Variants in ANK1 observed in about 807,000 individuals in gnomAD.
ANK1 encodes ankyrin 1.
In ANK1, 51 loss-of-function variants were observed where a neutral mutation model predicts 210.4. The ratio of observed to expected loss-of-function variants is 0.24; its 90% CI spans 0.19 to 0.31. ANK1 has a LOEUF of 0.31. Among genes scored for constraint, ANK1 ranks in the 10% least tolerant of loss-of-function variants. The pLI is 1.00. For missense variants in ANK1, 2,051 were observed against 2,504.4 expected (o/e 0.82, Z 3.86); for synonymous variants, 967 against 1,025.9 (o/e 0.94, Z 1.10).
chr8:41,705,212 G>A lies in ANK1; in HGVS notation c.2098-740C>T, dbSNP rs187165951. On this transcript the variant is annotated intron_variant, in intron 18 of 42. Transcript: ENST00000289734. ...TGAGCTCCTTGGTCCCAAGTGTCCCGGGAAGCTGGTGCCAGATTCCAGAGA... is the reference window on the plus strand; with the variant it reads ...TGAGCTCCTTGGTCCCAAGTGTCCCAGGAAGCTGGTGCCAGATTCCAGAGA... Among the ~76,000 whole-genome samples the A allele has an allele frequency of 2.1e-3, 321 of 152,262 alleles. 1 individual carries two copies. Among genetic ancestry groups the A allele is most frequent in the African/African-American group, 7.3e-3 (302 of 41,542 alleles).
chr8:41,876,743 G>A (rs924788129), intron 1 of ANK1, among the ~76,000 whole-genome samples: 1 of 152,204 alleles, frequency 6.6e-6, no homozygotes, highest in Non-Finnish European at 1.5e-5. Flanking sequence ...AGATGAAGAT[G>A]AAAGGTTTGT....
intron 24 of ANK1, 200 bp downstream of exon 24, chr8:41,697,843 T>C (rs1821520332): frequency 3.0e-6 from 2 of 659,578 alleles, no homozygotes; most frequent in Admixed American, 2.1e-5. Flanking sequence ...CATCTGACCA[T>C]CTCTTCCAGA....
chr8:41,826,229 AGAAAAG>A (rs1805345553), intron 1 of ANK1, among the ~76,000 whole-genome samples: 1 of 152,106 alleles, frequency 6.6e-6, no homozygotes, highest in Admixed American at 6.6e-5. Context: ...CTATTTTTCT[AGAAAAG>A]GCTACTCTGG....
chr8:41,827,514 C>G (rs1168492856), intron 1 of ANK1, among the ~76,000 whole-genome samples: 1 of 152,134 alleles, frequency 6.6e-6, no homozygotes, highest in Non-Finnish European at 1.5e-5. Context: ...AATGTAATGG[C>G]CTTTAAAAGG....
At chr8:41,856,415 A>T (rs1191121405) in intron 1 of ANK1, among the ~76,000 whole-genome samples, 1 of 152,230 alleles carries the variant, frequency 6.6e-6, no homozygotes, top group African/African-American at 2.4e-5. Context: ...TTTATGCAGG[A>T]CAGAAACTGC....
At chr8:41,822,931 T>A (rs1205935854) in intron 1 of ANK1, among the ~76,000 whole-genome samples, 1 of 152,198 alleles carries the variant, frequency 6.6e-6, no homozygotes, top group Non-Finnish European at 1.5e-5. Context: ...GCGCTCCGTG[T>A]GTGCCTCGTT....
Position 41,724,519 on chromosome 8 carries a change from G to T in ANK1, c.648C>A (p.Tyr216Ter). ...GCAACTGGGCCACGTTGAGGTTCTC[G>T]TAGTGAGCCGCAATGTGCAGGGGCG... is the stretch of plus-strand genomic sequence containing the variant. ...GFTPLHIAAH[Y>*]ENLNVAQLLL... is the part of the protein sequence containing the mutation. Residue 216 changes from tyrosine (Y) to a stop codon, truncating the protein, a stop_gained, in exon 7 of 43, where the codon TAC (tyrosine) becomes TAA (stop). Transcript: ENST00000289734. LOFTEE classifies it high-confidence loss of function. 6.2e-7 allele frequency: 1 copy of T among 1,601,152 alleles called. No individual in the cohort carries two copies. Among genetic ancestry groups the T allele is most frequent in the Admixed American group, 1.7e-5 (1 of 58,394 alleles).
At chr8:41,824,460 C>A (rs1376646220) in intron 1 of ANK1, among the ~76,000 whole-genome samples, 2 of 152,160 alleles carry the variant, frequency 1.3e-5, no homozygotes, top group African/African-American at 4.8e-5. Context: ...GATTCCTTTG[C>A]AAATTCATTT....
intron 7 of ANK1, 139 bp downstream of exon 7, chr8:41,724,317 G>A: frequency 1.3e-6 from 1 of 757,948 alleles, no homozygotes; most frequent in East Asian, 2.7e-5. Context: ...AAACCTGCCA[G>A]CAAGGAGCCC....
intron 1 of ANK1, among the ~76,000 whole-genome samples, chr8:41,872,389 C>G (rs1481561689): frequency 6.6e-6 from 1 of 152,228 alleles, no homozygotes; most frequent in Admixed American, 6.5e-5. Flanking sequence ...CCCATTAAAT[C>G]CCCCAGTGCT....
chr8:41,811,553 C>T (rs1802498617), intron 1 of ANK1, among the ~76,000 whole-genome samples: 1 of 152,064 alleles, frequency 6.6e-6, no homozygotes, highest in South Asian at 2.1e-4. Context: ...CCCCCTCAGT[C>T]TTCATCCACT....
intron 1 of ANK1, among the ~76,000 whole-genome samples, chr8:41,806,253 G>A (rs1377761958): frequency 6.6e-6 from 1 of 152,200 alleles, no homozygotes; most frequent in Non-Finnish European, 1.5e-5. Context: ...AGAACTCAGT[G>A]AGTGGTGGGG....
intron 37 of ANK1, among the ~76,000 whole-genome samples, chr8:41,673,638 G>A (rs942682644): frequency 5.9e-5 from 9 of 152,146 alleles, no homozygotes; most frequent in South Asian, 2.1e-4. Flanking sequence ...AGGTCTGCCC[G>A]CCCCAAAACC....
chr8:41,746,897 T>C (rs1836309815), intron 2 of ANK1, among the ~76,000 whole-genome samples: 1 of 151,948 alleles, frequency 6.6e-6, no homozygotes, highest in African/African-American at 2.4e-5. Flanking sequence ...CCCAGACCTT[T>C]AGAAGAAGGG....
At chr8:41,874,500 C>T (rs1446509998) in intron 1 of ANK1, among the ~76,000 whole-genome samples, 1 of 152,236 alleles carries the variant, frequency 6.6e-6, no homozygotes, top group African/African-American at 2.4e-5. Flanking sequence ...CACCCCATCC[C>T]CGCCCCGCAG....
intron 2 of ANK1, among the ~76,000 whole-genome samples, chr8:41,739,288 G>A (rs779483852): frequency 2.6e-5 from 4 of 152,048 alleles, no homozygotes; most frequent in Admixed American, 2.0e-4. Context: ...CTGAGAAAGT[G>A]TCTTTTGTTT....
intron 12 of ANK1, 87 bp downstream of exon 12, chr8:41,717,517 C>G: frequency 8.0e-7 from 1 of 1,253,130 alleles, no homozygotes; most frequent in Non-Finnish European, 1.1e-6. Flanking sequence ...GCTCTGTCCC[C>G]AGAGAGTAGG....
Position 41,715,715 on chromosome 8 carries a change from C to T in ANK1, c.1539G>A (p.Glu513=), listed in dbSNP as rs371709613. ...GGGCCAGGACTGTTTCCACATGGCC[C>T]TCACGGGCTGCAATGTGCAGGGGGG... ...GHTPLHIAAR[E]GHVETVLALL... The change falls in exon 14 of 43, where the codon GAG becomes GAA. Residue 513 remains glutamate (E), a synonymous_variant. Transcript: ENST00000289734. 2.5e-6 allele frequency: 4 copies of T among 1,614,074 alleles called. No homozygotes were observed. The highest frequency in any genetic ancestry group is 1.3e-5 in the African/African-American group (1 of 74,938).
chr8:41,792,103 G>A (rs1226337782), intron 1 of ANK1, among the ~76,000 whole-genome samples: 1 of 152,156 alleles, frequency 6.6e-6, no homozygotes, highest in African/African-American at 2.4e-5. Flanking sequence ...TTTTCTTCCT[G>A]AGCCCCCACA....
Sources: gnomAD v4.1 joint callset for allele counts (sites outside exome capture counted in the v4.1 genomes callset) on GRCh38, gnomAD v4.1.1 for gene constraint, MANE v1.5 for transcripts, NCBI Gene and HGNC (gene_info 2026-07-23, HGNC 2026-07-21) for gene names.